COL5A2: variants seen among roughly 807,000 people sequenced by gnomAD.
The protein encoded by COL5A2 is collagen type V alpha 2 chain.
A neutral mutation model predicts 208.2 loss-of-function variants in COL5A2; 23 were observed. The observed-to-expected ratio is 0.11, with a 90% CI of 0.08 to 0.16. The LOEUF is 0.16. Among genes scored for constraint, COL5A2 ranks in the 10% least tolerant of loss-of-function variants. The pLI, the probability that COL5A2 is intolerant of heterozygous loss-of-function variation, is 1.00. For missense variants in COL5A2, 1,590 were observed against 1,956.4 expected (o/e 0.81, Z 3.53); for synonymous variants, 625 against 628.5 (o/e 0.99, Z 0.08).
At chr2:189,405,625 A>G in the COL5A2 span, among the ~76,000 whole-genome samples, 1 of 152,212 alleles carries the variant, frequency 6.6e-6, no homozygotes, top group Admixed American at 6.5e-5. Context: ...CTGGGGAAGC[A>G]TGCAGGAAAT....
intron 1 of COL5A2, among the ~76,000 whole-genome samples, chr2:189,154,576 C>G (rs1688208555): frequency 6.6e-6 from 1 of 152,182 alleles, no homozygotes; most frequent in Non-Finnish European, 1.5e-5. Flanking sequence ...TGAGAAATTG[C>G]AGTTTAATTC....
intron 1 of COL5A2, among the ~76,000 whole-genome samples, chr2:189,165,398 T>G (rs530547803): frequency 1.3e-5 from 2 of 152,276 alleles, no homozygotes; most frequent in South Asian, 4.1e-4. Context: ...TTCCACTCCC[T>G]CCCCAATTTT....
the COL5A2 span, among the ~76,000 whole-genome samples, chr2:189,378,561 A>G: frequency 1.3e-5 from 2 of 152,058 alleles, no homozygotes; most frequent in Non-Finnish European, 2.9e-5. Flanking sequence ...CGTCTCTACT[A>G]AAAATACAAA....
the COL5A2 span, among the ~76,000 whole-genome samples, chr2:189,375,829 T>C: frequency 6.6e-6 from 1 of 152,232 alleles, no homozygotes; most frequent in African/African-American, 2.4e-5. Context: ...ACCCTTTATA[T>C]TAGCATGTTA....
intron 31 of COL5A2, among the ~76,000 whole-genome samples, chr2:189,059,925 G>A (rs1456057701): frequency 1.3e-5 from 2 of 151,890 alleles, no homozygotes; most frequent in Non-Finnish European, 2.9e-5. Context: ...TAATGATGAA[G>A]AACAAATTAG....
chr2:189,224,741 T>G (rs1406934396), intron 1 of COL5A2, among the ~76,000 whole-genome samples: 6 of 151,970 alleles, frequency 3.9e-5, no homozygotes, highest in African/African-American at 1.4e-4. Flanking sequence ...TTTTGAAGCA[T>G]GAATAGCAAT....
chr2:189,323,898 A>G, the COL5A2 span, among the ~76,000 whole-genome samples: 1 of 152,224 alleles, frequency 6.6e-6, no homozygotes, highest in Non-Finnish European at 1.5e-5. Flanking sequence ...AGCTGGAGGC[A>G]TCACGCTACC....
the COL5A2 span, chr2:189,311,545 C>T: frequency 7.9e-7 from 1 of 1,269,032 alleles, no homozygotes; most frequent in Non-Finnish European, 1.1e-6. Context: ...TGTTGAGCTG[C>T]TCCATCTGCT....
chr2:189,357,306 C>A, the COL5A2 span, among the ~76,000 whole-genome samples: 2 of 152,132 alleles, frequency 1.3e-5, no homozygotes, highest in African/African-American at 4.8e-5. Flanking sequence ...CAGGCAGGGA[C>A]GTTTAAGTCT....
At chr2:189,085,237 GA>G in intron 10 of COL5A2, 24 bp from the exon 11 acceptor site, 11 of 1,592,924 alleles carry the variant, frequency 6.9e-6, no homozygotes, top group Non-Finnish European at 9.4e-6. Flanking sequence ...AAAACAAAAG[GA>G]AAAAAAGAAT....
At chr2:189,228,399 C>A (rs1689444497), upstream of COL5A2, among the ~76,000 whole-genome samples, 1 of 151,546 alleles carries the variant, frequency 6.6e-6, no homozygotes, top group Non-Finnish European at 1.5e-5. Flanking sequence ...ACAAAACCAA[C>A]ACACGTTACA....
intron 1 of COL5A2, among the ~76,000 whole-genome samples, chr2:189,223,056 T>A (rs980939913): frequency 1.3e-5 from 2 of 152,156 alleles, no homozygotes; most frequent in African/African-American, 4.8e-5. Context: ...AGGTTAAATA[T>A]CTGGGTTTTG....
chr2:189,091,650 A>G (rs942637856), intron 7 of COL5A2, among the ~76,000 whole-genome samples: 1 of 152,186 alleles, frequency 6.6e-6, no homozygotes, highest in Non-Finnish European at 1.5e-5. Flanking sequence ...ACATAAGTTT[A>G]TATGCACTGG....
chr2:189,296,251 TA>T, the COL5A2 span, among the ~76,000 whole-genome samples: 13 of 152,190 alleles, frequency 8.5e-5, no homozygotes, highest in Non-Finnish European at 1.9e-4. Context: ...TTTAATACTA[TA>T]TTTTTTTTAT....
At chr2:189,307,956 A>G in the COL5A2 span, among the ~76,000 whole-genome samples, 2 of 152,076 alleles carry the variant, frequency 1.3e-5, no homozygotes, top group Non-Finnish European at 2.9e-5. Flanking sequence ...ACTCTGTTCT[A>G]TGGAATAGCT....
chr2:189,153,571 C>T (rs542881278), intron 1 of COL5A2, among the ~76,000 whole-genome samples: 1 of 152,214 alleles, frequency 6.6e-6, no homozygotes, highest in East Asian at 1.9e-4. Context: ...ATGAAGAAAG[C>T]ACAGGAAAGT....
At chr2:189,355,054 G>T in the COL5A2 span, among the ~76,000 whole-genome samples, 6 of 152,104 alleles carry the variant, frequency 3.9e-5, no homozygotes, top group Non-Finnish European at 8.8e-5. Context: ...AGTCATTCAG[G>T]AGCAGGTTGT....
chr2:189,078,711 A>T (rs1686468309), intron 15 of COL5A2, 142 bp from the exon 16 acceptor site: 1 of 801,276 alleles, frequency 1.2e-6, no homozygotes, highest in Non-Finnish European at 2.3e-6. Context: ...TTGGGTTTGA[A>T]AAACTATCCC....
intron 18 of COL5A2, among the ~76,000 whole-genome samples, chr2:189,069,530 A>G (rs1686225000): frequency 6.6e-6 from 1 of 152,172 alleles, no homozygotes; most frequent in African/African-American, 2.4e-5. Context: ...TTTCTGTTCA[A>G]TGTAAAGCTA....
Sources: gnomAD v4.1 joint callset for allele counts (sites outside exome capture counted in the v4.1 genomes callset) on GRCh38, gnomAD v4.1.1 for gene constraint, MANE v1.5 for transcripts, NCBI Gene and HGNC (gene_info 2026-07-23, HGNC 2026-07-21) for gene names.